NMRK1: variants seen among roughly 807,000 people sequenced by gnomAD.
The protein encoded by NMRK1 is NRK 1.
Under a neutral mutation model 29.9 loss-of-function variants are expected in NMRK1, and 28 were observed. The ratio of observed to expected loss-of-function variants is 0.94; its 90% CI spans 0.69 to 1.28. The LOEUF is 1.28. Ranked by LOEUF, NMRK1 falls within the 50% of genes most tolerant of loss-of-function variation. The pLI is 0.00. For missense variants in NMRK1, 218 were observed against 233.1 expected, an observed-to-expected ratio of 0.94 and a Z score of 0.42; for synonymous variants, 58 against 73.0, an observed-to-expected ratio of 0.79 and a Z score of 1.05.
intron 4 of NMRK1, 87 bp from the exon 5 acceptor site, chr9:75,070,129 G>A: frequency 1.1e-6 from 1 of 947,888 alleles, no homozygotes; most frequent in Non-Finnish European, 1.6e-6. Flanking sequence ...CCAGGATTCT[G>A]TAAATATATA....
Position 75,072,270 on chromosome 9 carries a change from T to C in NMRK1, c.170-2228A>G, listed in dbSNP as rs929790756. 2.0e-5 allele frequency among the ~76,000 whole-genome samples: 3 copies of C among 152,214 alleles called. No individual in the cohort carries two copies. In the East Asian group the frequency reaches 5.8e-4, roughly 29 times the overall value. Reference sequence around the variant, plus strand: ...GTCCTGGAATCTTTAGCCAGCATGCTTTCTTTTTTCCTTTCAGTCTTCCTT... The same window carrying C: ...GTCCTGGAATCTTTAGCCAGCATGCCTTCTTTTTTCCTTTCAGTCTTCCTT... On this transcript the variant is annotated intron_variant, in intron 4 of 8. Transcript: ENST00000361092.
chr9:75,081,198 AGG>A (rs1824301704), intron 2 of NMRK1, among the ~76,000 whole-genome samples: 2 of 152,156 alleles, frequency 1.3e-5, no homozygotes, highest in African/African-American at 4.8e-5. Context: ...ATTACTTCCT[AGG>A]GAAGCAAGTG....
intron 3 of NMRK1, 116 bp downstream of exon 3, chr9:75,077,374 C>T: frequency 1.1e-6 from 1 of 903,518 alleles, no homozygotes; most frequent in South Asian, 1.5e-5. Context: ...TGCACTGAGC[C>T]TAATTTCAAT....
At chr9:75,084,208 C>A (rs1824484777) in intron 1 of NMRK1, among the ~76,000 whole-genome samples, 1 of 152,212 alleles carries the variant, frequency 6.6e-6, no homozygotes, top group Non-Finnish European at 1.5e-5. Context: ...GAAGGCCACT[C>A]TTCTTCCTTC....
In NMRK1 at chr9:75,077,308, A is replaced by G; in HGVS notation, c.121-101T>C. On this transcript the variant is annotated intron_variant, in intron 3 of 8. Coordinates refer to ENST00000361092, the MANE Select transcript of NMRK1 (RefSeq NM_017881.3). ...AAGTCTTTAATAAATGCTTTGGATG[A>G]TCAAAGAAAGATCAGCACTGATAGA... is the stretch of plus-strand genomic sequence containing the variant. The G allele has an allele frequency of 3.2e-6, 3 of 946,748 alleles. 1 individual carries two copies. The South Asian group carries it at 4.4e-5, about 14-fold the overall frequency. 58.6% of individuals were successfully genotyped at this position (946,748 alleles called of 1,614,324 possible). A position where few individuals can be genotyped will look rare whatever the true frequency, so the allele number is the denominator to read the frequency against.
chr9:75,073,468 G>C (rs1177169286), intron 4 of NMRK1, among the ~76,000 whole-genome samples: 1 of 152,138 alleles, frequency 6.6e-6, no homozygotes, highest in Non-Finnish European at 1.5e-5. Context: ...AGCTAGGCGT[G>C]GTGGCTCACA....
chr9:75,073,578 T>TA (rs1053124523), intron 4 of NMRK1, among the ~76,000 whole-genome samples: 13 of 148,124 alleles, frequency 8.8e-5, no homozygotes, highest in East Asian at 2.0e-4. Context: ...AAATCTACTT[T>TA]AAAAAAAAAA....
Position 75,069,099 on chromosome 9 carries a change from T to C in NMRK1, c.393A>G (p.Thr131=). The change falls in exon 7 of 9, where the codon ACA becomes ACG. Residue 131 remains threonine (T), a synonymous_variant. Coordinates refer to ENST00000361092, the MANE Select transcript of NMRK1 (RefSeq NM_017881.3). ...GAGAGTCTGGAGGCTGATAGACCCT[T>C]GTACTATCAAAACACGTAGGAAACT... is the stretch of plus-strand genomic sequence containing the variant. ...PYEECKRRRS[T]RVYQPPDSPG... 6.2e-7 allele frequency: 1 copy of C among 1,604,304 alleles called. No individual in the cohort carries two copies.
intron 1 of NMRK1, among the ~76,000 whole-genome samples, chr9:75,084,749 C>T (rs547341491): frequency 1.3e-5 from 2 of 152,070 alleles, no homozygotes; most frequent in Non-Finnish European, 2.9e-5. Flanking sequence ...GAGATTGAGC[C>T]GCTGCACTCC....
At chr9:75,076,361 G>A (rs879362965) in intron 4 of NMRK1, among the ~76,000 whole-genome samples, 7 of 152,142 alleles carry the variant, frequency 4.6e-5, no homozygotes, top group Non-Finnish European at 8.8e-5. Flanking sequence ...ATGCATATGT[G>A]GGAGCTAAAA....
chr9:75,069,428 G>A lies in NMRK1; in HGVS notation c.389+314C>T, dbSNP rs1823563321. ...TGTTGGATTAAGCTTTGAACTAATT[G>A]GTGTTCTTTGTAGCTGTGGCAGAAC... On this transcript the variant is annotated intron_variant, in intron 6 of 8. Coordinates refer to ENST00000361092, the MANE Select transcript of NMRK1 (RefSeq NM_017881.3). 7 of 467,070 alleles carry A rather than the reference G, an allele frequency of 1.5e-5. No homozygotes were observed. The South Asian group carries it at 2.0e-4, about 13-fold the overall frequency. 28.9% of individuals were successfully genotyped at this position (467,070 alleles called of 1,614,324 possible).
At chr9:75,083,978 A>T (rs958772376) in intron 1 of NMRK1, among the ~76,000 whole-genome samples, 4 of 152,232 alleles carry the variant, frequency 2.6e-5, no homozygotes, top group African/African-American at 9.6e-5. Context: ...TGTGCTTTCT[A>T]CATGAAACTG....
At chr9:75,070,927 A>C (rs1823660399) in intron 4 of NMRK1, among the ~76,000 whole-genome samples, 1 of 151,914 alleles carries the variant, frequency 6.6e-6, no homozygotes, top group African/African-American at 2.4e-5. Flanking sequence ...TGTCTGTAGG[A>C]TCTACAGTGA....
Position 75,069,036 on chromosome 9 carries a change from TAGA to T in NMRK1, c.453_455del (p.Tyr151_Leu152delinsTer), listed in dbSNP as rs1183350712. ...TGTCCTGCATTTCTTGTCTGTACTT[TAGA>T]TACATGGGCCACACATGGCCATCAA... On this transcript the variant is annotated stop_gained and inframe_deletion, in exon 7 of 9. Coordinates refer to ENST00000361092, the MANE Select transcript of NMRK1 (RefSeq NM_017881.3). LOFTEE classifies it high-confidence loss of function. 1 of 1,614,196 alleles carries T rather than the reference TAGA, an allele frequency of 6.2e-7. No individual in the cohort carries two copies. The highest frequency in any genetic ancestry group is 1.3e-5 in the African/African-American group (1 of 75,074).
At chr9:75,076,009 A>C (rs1203623120) in intron 4 of NMRK1, among the ~76,000 whole-genome samples, 1 of 152,268 alleles carries the variant, frequency 6.6e-6, no homozygotes, top group Non-Finnish European at 1.5e-5. Context: ...ACTATGGAGA[A>C]GTACAGAGAT....
intron 1 of NMRK1, among the ~76,000 whole-genome samples, chr9:75,087,256 G>A (rs2118305311): frequency 6.6e-6 from 1 of 152,146 alleles, no homozygotes; most frequent in Non-Finnish European, 1.5e-5. Context: ...TAGGTTCTTA[G>A]GTAAACAGTT....
intron 8 of NMRK1, 95 bp downstream of exon 8, chr9:75,066,662 A>C: frequency 1.3e-6 from 1 of 794,712 alleles, no homozygotes; most frequent in Non-Finnish European, 2.3e-6. Flanking sequence ...AATCACTCCT[A>C]CACTAGCATT....
At chr9:75,085,814 G>A (rs1330309432) in intron 1 of NMRK1, among the ~76,000 whole-genome samples, 1 of 139,424 alleles carries the variant, frequency 7.2e-6, no homozygotes, top group Admixed American at 7.8e-5. Flanking sequence ...CCAAGCCAGT[G>A]TTTGGGTAAA....
At chr9:75,073,919 T>C (rs769045431) in intron 4 of NMRK1, among the ~76,000 whole-genome samples, 2 of 152,232 alleles carry the variant, frequency 1.3e-5, no homozygotes, top group African/African-American at 2.4e-5. Flanking sequence ...CTCTCAGTAA[T>C]ACTCAGCCTT....
Sources: gnomAD v4.1 joint callset for allele counts (sites outside exome capture counted in the v4.1 genomes callset) on GRCh38, gnomAD v4.1.1 for gene constraint, MANE v1.5 for transcripts, NCBI Gene and HGNC (gene_info 2026-07-23, HGNC 2026-07-21) for gene names.